Variants in ARHGAP17 observed in about 807,000 individuals in gnomAD.
ARHGAP17 encodes the protein Rho GTPase activating protein 17, also known as rho GTPase-activating protein 17.
A neutral mutation model predicts 99.5 loss-of-function variants in ARHGAP17; 57 were observed. The ratio of observed to expected loss-of-function variants is 0.57; its 90% CI spans 0.46 to 0.71. The LOEUF is 0.71. Ranked by LOEUF, ARHGAP17 falls within the 30% of genes least tolerant of loss-of-function variation. The probability of loss-of-function intolerance (pLI) is 0.00; values close to 1 mark genes in which losing one functional copy is unlikely to be tolerated. For synonymous variants in ARHGAP17, 417 were observed against 429.6 expected (o/e 0.97, Z 0.36); for missense variants, 1,000 against 1,122.4 (o/e 0.89, Z 1.56).
chr16:24,947,649 G>A (rs952306927), intron 13 of ARHGAP17, 54 bp from the exon 14 acceptor site: 2 of 1,449,110 alleles, frequency 1.4e-6, no homozygotes, highest in Non-Finnish European at 1.9e-6. Flanking sequence ...CTGCTGGAAT[G>A]TTCTCTTCCT....
At chr16:24,945,858 TC>T (rs1347998025) in intron 14 of ARHGAP17, among the ~76,000 whole-genome samples, 1 of 152,194 alleles carries the variant, frequency 6.6e-6, no homozygotes, top group East Asian at 1.9e-4. Flanking sequence ...AGGCTCTGTA[TC>T]CAGAACCTGG....
At chr16:24,932,082 G>A (rs1347529854) in intron 18 of ARHGAP17, among the ~76,000 whole-genome samples, 1 of 150,100 alleles carries the variant, frequency 6.7e-6, no homozygotes, top group African/African-American at 2.5e-5. Context: ...CTGAATTCCA[G>A]CCTGGGCAAC....
At chr16:24,923,009 TAC>T (rs2050755048) in intron 19 of ARHGAP17, among the ~76,000 whole-genome samples, 2 of 152,190 alleles carry the variant, frequency 1.3e-5, no homozygotes, top group African/African-American at 4.8e-5. Context: ...AGCACTTACT[TAC>T]ACCAGAGACT....
At chr16:24,998,984 C>T (rs1324232890) in intron 1 of ARHGAP17, among the ~76,000 whole-genome samples, 1 of 152,074 alleles carries the variant, frequency 6.6e-6, no homozygotes, top group Non-Finnish European at 1.5e-5. Flanking sequence ...TGAGGTGCTT[C>T]TTGAACCACA....
intron 1 of ARHGAP17, among the ~76,000 whole-genome samples, chr16:25,013,259 T>C (rs982779576): frequency 3.3e-5 from 5 of 151,952 alleles, no homozygotes; most frequent in Admixed American, 1.3e-4. Context: ...GAGTTCCAAG[T>C]AGATGCTAGC....
intron 1 of ARHGAP17, among the ~76,000 whole-genome samples, chr16:24,993,713 T>C (rs926621714): frequency 6.6e-6 from 1 of 152,218 alleles, no homozygotes; most frequent in Non-Finnish European, 1.5e-5. Flanking sequence ...AACCAGTCTT[T>C]GAACCTTCAG....
intron 14 of ARHGAP17, among the ~76,000 whole-genome samples, chr16:24,945,102 G>A (rs1449777533): frequency 1.3e-5 from 2 of 151,942 alleles, no homozygotes; most frequent in South Asian, 2.1e-4. Flanking sequence ...GGGAGGCTGA[G>A]GCAGTTAGAC....
chr16:25,003,230 C>CTTTTTTTTTT (rs564573463), intron 1 of ARHGAP17, among the ~76,000 whole-genome samples: 1 of 90,698 alleles, frequency 1.1e-5, no homozygotes, highest in Admixed American at 1.4e-4. Flanking sequence ...AGCTTTAAAG[C>CTTTTTTTTTT]TTTTTTTTTT....
rs768167273 is a variant in ARHGAP17, at chr16:24,959,659, G to A, written c.724+12C>T. On this transcript the variant is annotated intron_variant, in intron 9 of 19. Transcript: ENST00000289968. Reference sequence around the variant, plus strand: ...CAAGAAGGAAGCATCAGCCGCACGCGGGTTACATTACCTTGATGGGCTCGC... The same window carrying A: ...CAAGAAGGAAGCATCAGCCGCACGCAGGTTACATTACCTTGATGGGCTCGC... 2.5e-5 allele frequency: 40 copies of A among 1,612,916 alleles called. 1 individual carries two copies. Among genetic ancestry groups the A allele is most frequent in the Admixed American group, 2.0e-4 (12 of 59,824 alleles).
chr16:24,952,194 A>G, intron 12 of ARHGAP17, 95 bp downstream of exon 12: 1 of 872,848 alleles, frequency 1.1e-6, no homozygotes. Flanking sequence ...CGCTATTTTA[A>G]TCTTATGATC....
intron 17 of ARHGAP17, 106 bp from the exon 18 acceptor site, chr16:24,935,745 G>A (rs960594612): frequency 5.8e-6 from 7 of 1,208,000 alleles, no homozygotes; most frequent in Non-Finnish European, 8.3e-6. Context: ...CACTTCGGCA[G>A]GCAGGAAAAG....
At chr16:24,989,385 G>T (rs2052967801) in intron 1 of ARHGAP17, among the ~76,000 whole-genome samples, 1 of 152,196 alleles carries the variant, frequency 6.6e-6, no homozygotes. Context: ...CCTGGCAGGG[G>T]CCTATTGAGT....
At chr16:25,002,736 TG>T (rs1427932691) in intron 1 of ARHGAP17, among the ~76,000 whole-genome samples, 1 of 152,124 alleles carries the variant, frequency 6.6e-6, no homozygotes, top group Non-Finnish European at 1.5e-5. Flanking sequence ...GCAAAAGCAA[TG>T]GGAGTATTAA....
chr16:24,991,197 C>T (rs908015992), intron 1 of ARHGAP17, among the ~76,000 whole-genome samples: 2 of 152,258 alleles, frequency 1.3e-5, no homozygotes, highest in African/African-American at 4.8e-5. Flanking sequence ...TACTAAGAAA[C>T]ATTTCCTCCA....
chr16:24,931,514 G>A (rs1173916879), intron 18 of ARHGAP17, 110 bp from the exon 19 acceptor site: 1 of 1,151,316 alleles, frequency 8.7e-7, no homozygotes, highest in Middle Eastern at 3.0e-4. Context: ...CCAGCATCAT[G>A]TACCTCTGAT....
chr16:24,967,542 C>T (rs1246676417), intron 6 of ARHGAP17, among the ~76,000 whole-genome samples: 1 of 152,108 alleles, frequency 6.6e-6, no homozygotes, highest in Non-Finnish European at 1.5e-5. Context: ...CCAGGTACCA[C>T]GGCTCATGGC....
At chr16:24,972,517 C>T (rs534946254) in intron 3 of ARHGAP17, 8 of 152,322 alleles carry the variant, frequency 5.3e-5, no homozygotes, top group African/African-American at 1.9e-4. Context: ...TGGGCTCCAT[C>T]TGCACTACAA....
rs139744528 is a variant in ARHGAP17 at position 24,935,583 on chromosome 16, T to C, written c.1781A>G (p.Asn594Ser). Residue 594 changes from asparagine (N) to serine (S), a missense_variant, in exon 18 of 20, where the codon AAC (asparagine) becomes AGC (serine). Physicochemically the swap from Asn to Ser is conservative, Grantham distance 46. Coordinates refer to ENST00000289968, the MANE Select transcript of ARHGAP17 (RefSeq NM_001006634.3). ...ATTTTGGCCAGATGCTATCTGACTG[T>C]TGTTTCTCCCTGGTGCTGGCACAGC... The part of the protein sequence containing the change: ...SAAVPAPGRN[N>S]SQIASGQNQP... 438 of 1,614,140 alleles carry C rather than the reference T, an allele frequency of 2.7e-4. No homozygotes were observed. Among genetic ancestry groups the C allele is most frequent in the Middle Eastern group, 1.3e-3 (8 of 6,062 alleles).
intron 1 of ARHGAP17, among the ~76,000 whole-genome samples, chr16:24,991,551 C>G (rs1355531876): frequency 6.6e-6 from 1 of 152,020 alleles, no homozygotes; most frequent in Non-Finnish European, 1.5e-5. Flanking sequence ...TTGGTTGTGA[C>G]AACACCGTGT....
Sources: allele counts gnomAD v4.1 joint callset (sites outside exome capture counted in the v4.1 genomes callset), GRCh38; gene constraint gnomAD v4.1.1; transcripts MANE v1.5; gene names NCBI Gene and HGNC (gene_info 2026-07-23, HGNC 2026-07-21).